The following EPB41L4A variants were observed in gnomAD, a reference collection of about 807,000 sequenced individuals.
EPB41L4A encodes the protein erythrocyte membrane protein band 4.1 like 4A.
EPB41L4A carries 100 observed loss-of-function variants against 108.6 expected under a neutral mutation model. The observed-to-expected ratio is 0.92, with a 90% CI of 0.78 to 1.09. The LOEUF is 1.09. Among genes scored for constraint, EPB41L4A ranks in the 50% least tolerant of loss-of-function variants. The probability of loss-of-function intolerance (pLI) is 0.00; values close to 1 mark genes in which losing one functional copy is unlikely to be tolerated. For missense variants in EPB41L4A, 1,030 were observed against 842.7 expected (o/e 1.22, Z -2.75); for synonymous variants, 319 against 289.0 (o/e 1.10, Z -1.05).
At chr5:112,143,863 G>C (rs1405310582) in exon 14 of EPB41L4A, 4 of 456,028 alleles carry the variant, frequency 8.8e-6, no homozygotes, top group Admixed American at 7.1e-5. Context: ...TATAAACAGG[G>C]AGAAAGCAGA....
At chr5:112,295,127 T>C (rs991109955) in intron 2 of EPB41L4A, among the ~76,000 whole-genome samples, 4 of 152,230 alleles carry the variant, frequency 2.6e-5, no homozygotes, top group Admixed American at 2.6e-4. Context: ...GCTTAGTTAT[T>C]AACAGTGTCC....
intron 22 of EPB41L4A, among the ~76,000 whole-genome samples, chr5:112,167,144 C>CA (rs1760301048): frequency 7.9e-6 from 1 of 126,750 alleles, no homozygotes; most frequent in African/African-American, 3.1e-5. Flanking sequence ...AAAAAAACAC[C>CA]GAAAGATAAC....
rs982108596 is a variant in EPB41L4A, at chr5:112,163,690, A to G, written c.*1300T>C. 1.3e-5 allele frequency: 2 copies of G among 152,192 alleles called. No individual in the cohort carries two copies. The highest frequency in any genetic ancestry group is 4.8e-5 in the African/African-American group (2 of 41,446). 9.4% of individuals were successfully genotyped at this position (152,192 alleles called of 1,614,324 possible). On this transcript the variant is annotated 3_prime_UTR_variant, in exon 23 of 23. Coordinates refer to ENST00000261486, the MANE Select transcript of EPB41L4A (RefSeq NM_022140.5). ...GATGAATTGAGGGCAATGACTAAAG[A>G]TACTGCTTGCAAGAAAACTGGCTGA...
chr5:112,285,646 G>A (rs528589388), intron 2 of EPB41L4A, among the ~76,000 whole-genome samples: 10 of 152,226 alleles, frequency 6.6e-5, no homozygotes, highest in East Asian at 1.9e-4. Context: ...AACTGGCCCC[G>A]TTTTTCAGCA....
chr5:112,194,785 T>C, intron 16 of EPB41L4A, 140 bp from the exon 17 acceptor site: 1 of 520,310 alleles, frequency 1.9e-6, no homozygotes. Context: ...GTATTATCCC[T>C]CTCCAAGTCA....
intron 1 of EPB41L4A, among the ~76,000 whole-genome samples, chr5:112,325,629 C>G (rs2150642205): frequency 6.6e-6 from 1 of 152,180 alleles, no homozygotes; most frequent in East Asian, 1.9e-4. Flanking sequence ...TCAAAAATGT[C>G]TTAAGAAAAG....
chr5:112,396,039 A>T (rs1412265655), intron 1 of EPB41L4A, among the ~76,000 whole-genome samples: 1 of 152,168 alleles, frequency 6.6e-6, no homozygotes, highest in East Asian at 1.9e-4. Flanking sequence ...CATAGGTGGG[A>T]ACTGAACAAT....
At chr5:112,146,194 T>C (rs1490106442) in intron 12 of EPB41L4A, among the ~76,000 whole-genome samples, 2 of 152,216 alleles carry the variant, frequency 1.3e-5, no homozygotes, top group African/African-American at 2.4e-5. Context: ...AGCATCGCGA[T>C]CCTCAAACTT....
At chr5:112,353,887 C>A (rs1469537565) in intron 1 of EPB41L4A, among the ~76,000 whole-genome samples, 1 of 152,130 alleles carries the variant, frequency 6.6e-6, no homozygotes, top group Non-Finnish European at 1.5e-5. Flanking sequence ...TGTGTTTGGG[C>A]ACTCGGAGAG....
chr5:112,154,743 G>T (rs1358095789), intron 12 of EPB41L4A, among the ~76,000 whole-genome samples: 1 of 152,090 alleles, frequency 6.6e-6, no homozygotes, highest in Non-Finnish European at 1.5e-5. Flanking sequence ...ATTCATCATT[G>T]CTAAAGTGAC....
chr5:112,402,701 C>A (rs1040381884), intron 1 of EPB41L4A, among the ~76,000 whole-genome samples: 4 of 152,166 alleles, frequency 2.6e-5, no homozygotes, highest in African/African-American at 9.7e-5. Flanking sequence ...TTTTCTATGA[C>A]ACCAGATGGG....
At chr5:112,334,946 G>A (rs1173360050) in intron 1 of EPB41L4A, among the ~76,000 whole-genome samples, 6 of 152,278 alleles carry the variant, frequency 3.9e-5, no homozygotes, top group African/African-American at 1.4e-4. Context: ...TCAAACTTTA[G>A]GAGAGAACAC....
intron 2 of EPB41L4A, among the ~76,000 whole-genome samples, chr5:112,284,829 T>A (rs1233812308): frequency 6.6e-6 from 1 of 152,184 alleles, no homozygotes; most frequent in African/African-American, 2.4e-5. Flanking sequence ...CGGAGAGCAA[T>A]GACAGACCCT....
In EPB41L4A at chr5:112,419,121, T is replaced by G; in HGVS notation, c.-82A>C. 9.7e-7 allele frequency: 1 copy of G among 1,026,836 alleles called. No homozygotes were observed. The highest frequency in any genetic ancestry group is 1.5e-6 in the Non-Finnish European group (1 of 662,502). 63.6% of individuals were successfully genotyped at this position (1,026,836 alleles called of 1,614,324 possible). A position where few individuals can be genotyped will look rare whatever the true frequency, so the allele number is the denominator to read the frequency against. On this transcript the variant is annotated 5_prime_UTR_variant, in exon 1 of 23. Transcript: ENST00000261486. The stretch of plus-strand genomic sequence containing the variant: ...CCCCCTCCACTCAAGCGCGATGCAT[T>G]AATTTATTGTCCGCGCCGTGGCGAG...
At chr5:112,417,902 G>A (rs1174087915) in intron 1 of EPB41L4A, among the ~76,000 whole-genome samples, 1 of 152,166 alleles carries the variant, frequency 6.6e-6, no homozygotes, top group East Asian at 1.9e-4. Context: ...ATCCTAGTGT[G>A]CATAAAACTA....
At chr5:112,143,651 G>A in exon 14 of EPB41L4A, 1 of 240,620 alleles carries the variant, frequency 4.2e-6, no homozygotes, top group Non-Finnish European at 8.7e-6. Context: ...CTCTACAAGA[G>A]ATAAAGTCAG....
intron 4 of EPB41L4A, among the ~76,000 whole-genome samples, chr5:112,272,527 T>A (rs957009608): frequency 1.3e-5 from 2 of 151,576 alleles, no homozygotes; most frequent in African/African-American, 4.8e-5. Flanking sequence ...AAGACCGGGT[T>A]ACAGCACTTT....
chr5:112,335,704 C>T (rs1756874061), intron 1 of EPB41L4A, among the ~76,000 whole-genome samples: 1 of 152,214 alleles, frequency 6.6e-6, no homozygotes, highest in South Asian at 2.1e-4. Flanking sequence ...CTCCTGTCTC[C>T]ACAGAGCAGC....
chr5:112,268,519 T>C (rs905993506), intron 4 of EPB41L4A, among the ~76,000 whole-genome samples: 2 of 152,208 alleles, frequency 1.3e-5, no homozygotes, highest in Non-Finnish European at 2.9e-5. Flanking sequence ...TGAAGTGTAT[T>C]TTTTTAAGAA....
Sources: gnomAD v4.1 joint callset for allele counts (sites outside exome capture counted in the v4.1 genomes callset) on GRCh38, gnomAD v4.1.1 for gene constraint, MANE v1.5 for transcripts, NCBI Gene and HGNC (gene_info 2026-07-23, HGNC 2026-07-21) for gene names.